Variants in DPF3 observed in about 807,000 individuals in gnomAD.
DPF3 encodes the protein double PHD fingers 3.
A neutral mutation model predicts 56.8 loss-of-function variants in DPF3; 18 were observed. The observed-to-expected ratio is 0.32, with a 90% CI of 0.22 to 0.47. DPF3 has a LOEUF of 0.47. DPF3 is among the 20% of genes least tolerant of loss of function. The pLI, the probability that DPF3 is intolerant of heterozygous loss-of-function variation, is 1.00. For synonymous variants in DPF3, 188 were observed against 180.2 expected, an observed-to-expected ratio of 1.04 and a Z score of -0.35; for missense variants, 403 against 488.8, an observed-to-expected ratio of 0.82 and a Z score of 1.65.
intron 7 of DPF3, among the ~76,000 whole-genome samples, chr14:72,683,245 T>C (rs1393420768): frequency 6.7e-6 from 1 of 148,786 alleles, no homozygotes; most frequent in Non-Finnish European, 1.5e-5. Flanking sequence ...GAGAATCACT[T>C]GAACCCAGGA....
chr14:72,799,270 A>T (rs1423311215), intron 1 of DPF3, among the ~76,000 whole-genome samples: 5 of 151,902 alleles, frequency 3.3e-5, no homozygotes, highest in Non-Finnish European at 5.9e-5. Context: ...CAATACCTCC[A>T]TTTTCTACCT....
At chr14:72,798,449 CA>C (rs1180236712) in intron 1 of DPF3, among the ~76,000 whole-genome samples, 3 of 151,970 alleles carry the variant, frequency 2.0e-5, no homozygotes, top group Non-Finnish European at 4.4e-5. Context: ...TGTATGAAAC[CA>C]AGATAGGAAA....
intron 8 of DPF3, among the ~76,000 whole-genome samples, chr14:72,672,282 AC>A (rs1446980372): frequency 6.6e-6 from 1 of 152,204 alleles, no homozygotes; most frequent in East Asian, 1.9e-4. Context: ...AAGGAATGAT[AC>A]ATCCCTCATG....
chr14:72,671,045 C>T lies in DPF3; in HGVS notation c.871+3195G>A, dbSNP rs78634874. 2.8e-3 allele frequency: 4,173 copies of T among 1,514,502 alleles called. 137 individuals are homozygous for T. In the East Asian group the frequency reaches 0.052, roughly 19 times the overall value. The allele number at this position is 1,514,502 out of a possible 1,614,324, so 93.8% of individuals were successfully genotyped here. The stretch of plus-strand genomic sequence containing the variant: ...AGGATAGAGGGAAAATCTAAAGTTG[C>T]CTTTCATTAAAAAAAATATATATCA... On this transcript the variant is annotated intron_variant, in intron 8 of 10. Coordinates refer to ENST00000556509, the MANE Select transcript of DPF3 (RefSeq NM_001280542.3).
intron 1 of DPF3, among the ~76,000 whole-genome samples, chr14:72,878,980 G>A (rs1245888541): frequency 1.3e-5 from 2 of 152,234 alleles, no homozygotes; most frequent in African/African-American, 4.8e-5. Context: ...TTTCTAGAGT[G>A]CTAAAAGCAA....
intron 8 of DPF3, among the ~76,000 whole-genome samples, chr14:72,631,312 G>A (rs116784567): frequency 0.041 from 6,251 of 152,238 alleles, 274 homozygotes; most frequent in East Asian, 0.14. Context: ...CCATCACAGT[G>A]GCCCCAAAGA....
In DPF3 at chr14:72,640,622, T is replaced by G. The variant is rs114444143; in HGVS notation, c.872-10886A>C. ...CGTGATACCTGCTTGAATATGTGTGTGAGGAAGAGGCAGAAGTAAAAAATG... is the reference window on the plus strand; with the variant it reads ...CGTGATACCTGCTTGAATATGTGTGGGAGGAAGAGGCAGAAGTAAAAAATG... On this transcript the variant is annotated intron_variant, in intron 8 of 10. Transcript: ENST00000556509. Among the ~76,000 whole-genome samples, 10 of 152,188 alleles carry G rather than the reference T, an allele frequency of 6.6e-5. No individual in the cohort carries two copies. The Middle Eastern group carries it at 0.01, about 155-fold the overall frequency.
Position 72,609,265 on chromosome 14 carries a change from A to C in DPF3, c.*10032T>G, listed in dbSNP as rs1346022316. 6.6e-6 allele frequency among the ~76,000 whole-genome samples: 1 copy of C among 152,166 alleles called. No individual in the cohort carries two copies. Among genetic ancestry groups the C allele is most frequent in the Non-Finnish European group, 1.5e-5 (1 of 68,022 alleles). On this transcript the variant is annotated 3_prime_UTR_variant, in exon 11 of 11. Coordinates refer to ENST00000556509, the MANE Select transcript of DPF3 (RefSeq NM_001280542.3). ...CCACATTCTTCATCTCATCAGCGAC[A>C]GGTCTCCCTCCCAGAACCCCATCAG...
chr14:72,772,897 C>G (rs1279793727), intron 1 of DPF3, among the ~76,000 whole-genome samples: 1 of 151,936 alleles, frequency 6.6e-6, no homozygotes, highest in African/African-American at 2.4e-5. Context: ...GGGCAGTGGA[C>G]GCAAAGGAGT....
At chr14:72,700,446 T>G (rs1000245993) in intron 6 of DPF3, among the ~76,000 whole-genome samples, 30 of 152,236 alleles carry the variant, frequency 2.0e-4, no homozygotes, top group Admixed American at 2.0e-3. Flanking sequence ...AGTGGAGATC[T>G]GAGACTAAGT....
intron 1 of DPF3, among the ~76,000 whole-genome samples, chr14:72,870,359 T>C (rs1885848059): frequency 6.6e-6 from 1 of 152,198 alleles, no homozygotes; most frequent in South Asian, 2.1e-4. Flanking sequence ...AGGAAAGAAG[T>C]AGTCTCCTTC....
intron 1 of DPF3, among the ~76,000 whole-genome samples, chr14:72,873,618 G>A (rs949124412): frequency 6.6e-5 from 10 of 152,250 alleles, no homozygotes; most frequent in African/African-American, 9.6e-5. Context: ...AAAGACACAC[G>A]CACATGTATG....
intron 7 of DPF3, chr14:72,675,542 A>G (rs905347621): frequency 6.6e-6 from 1 of 152,210 alleles, no homozygotes; most frequent in Non-Finnish European, 1.5e-5. Flanking sequence ...CAGAGATGTG[A>G]GCAGAAATAC....
At chr14:72,885,560 C>T (rs1449083524) in intron 1 of DPF3, among the ~76,000 whole-genome samples, 3 of 152,018 alleles carry the variant, frequency 2.0e-5, no homozygotes, top group Non-Finnish European at 4.4e-5. Context: ...TACACCACCA[C>T]ACCCGGCTTT....
intron 1 of DPF3, among the ~76,000 whole-genome samples, chr14:72,855,512 G>A (rs937210014): frequency 6.6e-6 from 1 of 152,196 alleles, no homozygotes; most frequent in Non-Finnish European, 1.5e-5. Flanking sequence ...GTATTCCAGA[G>A]ATATTGGTCT....
At chr14:72,709,623 T>C (rs1888568779) in intron 6 of DPF3, among the ~76,000 whole-genome samples, 2 of 152,262 alleles carry the variant, frequency 1.3e-5, no homozygotes, top group East Asian at 1.9e-4. Context: ...GGAGAGCATA[T>C]GTAAGGGGCA....
At chr14:72,893,798 C>G (rs1886875653) in intron 1 of DPF3, among the ~76,000 whole-genome samples, 1 of 152,236 alleles carries the variant, frequency 6.6e-6, no homozygotes, top group African/African-American at 2.4e-5. Context: ...CCGCCTGCAA[C>G]CCCTATATCT....
intron 8 of DPF3, among the ~76,000 whole-genome samples, chr14:72,654,059 A>G (rs1273266666): frequency 1.3e-5 from 2 of 152,106 alleles, no homozygotes; most frequent in Non-Finnish European, 2.9e-5. Context: ...CTGTCCTCAC[A>G]ATCATCCTAC....
In DPF3 at chr14:72,722,773, C is replaced by T. The variant is rs145662420; in HGVS notation, c.525+860G>A. Among the ~76,000 whole-genome samples the T allele has an allele frequency of 3.3e-5, 5 of 152,244 alleles. No homozygotes were observed. The East Asian group carries it at 9.6e-4, about 29-fold the overall frequency. Reference sequence around the variant, plus strand: ...CCTTGCAGACCCCAGACGGCCACCACAGAAAGCCCCTTCGGGCGTGAACTC... The same window carrying T: ...CCTTGCAGACCCCAGACGGCCACCATAGAAAGCCCCTTCGGGCGTGAACTC... On this transcript the variant is annotated intron_variant, in intron 5 of 10. Transcript: ENST00000556509.
Sources: gnomAD v4.1 joint callset for allele counts (sites outside exome capture counted in the v4.1 genomes callset) on GRCh38, gnomAD v4.1.1 for gene constraint, MANE v1.5 for transcripts, NCBI Gene and HGNC (gene_info 2026-07-23, HGNC 2026-07-21) for gene names.